Variants in ZNF98 observed in about 807,000 individuals in gnomAD.
ZNF98 encodes zinc finger protein 739.
A neutral mutation model predicts 12.8 loss-of-function variants in ZNF98; 8 were observed. The ratio of observed to expected loss-of-function variants is 0.63; its 90% confidence interval spans 0.37 to 1.13. The LOEUF is 1.13. Ranked by LOEUF, ZNF98 falls within the 50% of genes most tolerant of loss-of-function variation. ZNF98 has a pLI of 0.01. For missense variants in ZNF98, 379 were observed against 666.1 expected, an observed-to-expected ratio of 0.57 and a Z score of 4.74; for synonymous variants, 112 against 223.5, an observed-to-expected ratio of 0.50 and a Z score of 4.45.
At chr19:22,402,501 A>G (rs536177830) in intron 3 of ZNF98, 58 of 411,076 alleles carry the variant, frequency 1.4e-4, no homozygotes, top group Non-Finnish European at 2.3e-4. Flanking sequence ...ACAATGAAAA[A>G]GCAGTCAGAT....
intron 3 of ZNF98, among the ~76,000 whole-genome samples, chr19:22,397,212 T>TTTTGTGTGTGTGTGTGTG (rs368992859): frequency 6.9e-6 from 1 of 145,220 alleles, no homozygotes; most frequent in African/African-American, 2.6e-5. Context: ...GTGTGTGTTT[T>TTTTGTGTGTGTGTGTGTG]TGTGTGTGTG....
At chr19:22,411,103 C>G (rs148864706) in intron 1 of ZNF98, among the ~76,000 whole-genome samples, 3 of 151,988 alleles carry the variant, frequency 2.0e-5, no homozygotes, top group African/African-American at 7.2e-5. Context: ...AGTGCAGTGG[C>G]GAGATCTGCA....
intron 3 of ZNF98, among the ~76,000 whole-genome samples, chr19:22,399,572 A>G (rs575497800): frequency 6.6e-6 from 1 of 152,200 alleles, no homozygotes; most frequent in South Asian, 2.1e-4. Context: ...AAAGTGAGTG[A>G]AAATCCTGTC....
chr19:22,399,521 T>C (rs1335715994), intron 3 of ZNF98, among the ~76,000 whole-genome samples: 1 of 152,150 alleles, frequency 6.6e-6, no homozygotes, highest in African/African-American at 2.4e-5. Context: ...AAAACAAATA[T>C]TTGGGAACAA....
intron 1 of ZNF98, among the ~76,000 whole-genome samples, chr19:22,419,063 A>C (rs1969675946): frequency 1.3e-5 from 2 of 152,098 alleles, no homozygotes; most frequent in Non-Finnish European, 1.5e-5. Context: ...TTAATCTAGA[A>C]TCTAACTTTT....
chr19:22,416,240 G>A (rs1156280005), intron 1 of ZNF98, among the ~76,000 whole-genome samples: 1 of 151,912 alleles, frequency 6.6e-6, no homozygotes, highest in Non-Finnish European at 1.5e-5. Flanking sequence ...GGAGGCCAAG[G>A]CGGACAGATC....
chr19:22,402,551 C>T, intron 3 of ZNF98: 1 of 469,702 alleles, frequency 2.1e-6, no homozygotes, highest in Non-Finnish European at 3.7e-6. Context: ...GCTGTCTTGG[C>T]TGTCACTGTA....
intron 3 of ZNF98, among the ~76,000 whole-genome samples, chr19:22,395,156 G>A (rs189562684): frequency 0.016 from 2,188 of 134,076 alleles, 67 homozygotes; most frequent in African/African-American, 0.056. Context: ...TGGGTGACAG[G>A]AGCAAAACTC....
At chr19:22,406,210 G>A (rs1599387425) in intron 1 of ZNF98, among the ~76,000 whole-genome samples, 1 of 152,228 alleles carries the variant, frequency 6.6e-6, no homozygotes, top group South Asian at 2.1e-4. Flanking sequence ...CTATACAGGA[G>A]TGTTCCTACT....
intron 1 of ZNF98, among the ~76,000 whole-genome samples, chr19:22,406,712 G>A (rs1014017064): frequency 3.9e-5 from 6 of 151,948 alleles, no homozygotes; most frequent in Non-Finnish European, 8.8e-5. Flanking sequence ...AGTTACTTGG[G>A]AGGCCGAGGC....
At chr19:22,421,626 T>C (rs1316405363) in intron 1 of ZNF98, among the ~76,000 whole-genome samples, 1 of 152,152 alleles carries the variant, frequency 6.6e-6, no homozygotes, top group African/African-American at 2.4e-5. Context: ...ACTACGTAAA[T>C]GTACCTAACC....
intron 1 of ZNF98, among the ~76,000 whole-genome samples, chr19:22,414,735 A>G (rs918777621): frequency 7.9e-5 from 12 of 152,310 alleles, no homozygotes; most frequent in Admixed American, 1.3e-4. Context: ...AAAATCAACT[A>G]AAGATAAATT....
At chr19:22,422,106 G>C in intron 1 of ZNF98, 89 bp downstream of exon 1, 2 of 1,512,984 alleles carry the variant, frequency 1.3e-6, no homozygotes, top group Non-Finnish European at 1.8e-6. Context: ...AGCTGACAGC[G>C]GGGAGGCCTG....
Position 22,413,088 on chromosome 19 carries a change from AT to A in ZNF98, c.30+9106del, listed in dbSNP as rs201555549. ...AAAATAAAAATAAAAATAAAAAAAA[AT>A]AATAATAATGAGTTATCCATCACAA... On this transcript the variant is annotated intron_variant, in intron 1 of 3. Coordinates refer to ENST00000357774, the MANE Select transcript of ZNF98 (RefSeq NM_001098626.2). Among the ~76,000 whole-genome samples, 429 of 151,496 alleles carry A rather than the reference AT, an allele frequency of 2.8e-3. 3 individuals carry two copies. The highest frequency in any genetic ancestry group is 0.01 in the African/African-American group (416 of 41,120).
At chr19:22,420,545 G>A (rs544770515) in intron 1 of ZNF98, among the ~76,000 whole-genome samples, 1 of 152,182 alleles carries the variant, frequency 6.6e-6, no homozygotes, top group East Asian at 1.9e-4. Flanking sequence ...TGTCTCAAGG[G>A]GTTAGCTTTT....
intron 3 of ZNF98, among the ~76,000 whole-genome samples, chr19:22,399,491 G>C (rs1251105647): frequency 1.3e-5 from 2 of 152,102 alleles, no homozygotes; most frequent in Non-Finnish European, 2.9e-5. Context: ...TGCAGAATAT[G>C]GTCAGGGCCT....
chr19:22,417,893 A>C (rs1969662960), intron 1 of ZNF98, among the ~76,000 whole-genome samples: 1 of 152,078 alleles, frequency 6.6e-6, no homozygotes, highest in Admixed American at 6.6e-5. Flanking sequence ...TCTTTACTCT[A>C]AGTTTGGATC....
chr19:22,417,788 A>G (rs1352101640), intron 1 of ZNF98, among the ~76,000 whole-genome samples: 7 of 152,090 alleles, frequency 4.6e-5, no homozygotes, highest in Admixed American at 1.3e-4. Flanking sequence ...GTCCTGGGAG[A>G]GGTCTGGACA....
intron 3 of ZNF98, among the ~76,000 whole-genome samples, chr19:22,400,581 T>A (rs1426825327): frequency 6.6e-6 from 1 of 151,020 alleles, no homozygotes; most frequent in East Asian, 1.9e-4. Flanking sequence ...TACCTACCCC[T>A]CTCCACTACA....
Sources: gnomAD v4.1 joint callset for allele counts (sites outside exome capture counted in the v4.1 genomes callset) on GRCh38, gnomAD v4.1.1 for gene constraint, MANE v1.5 for transcripts, NCBI Gene and HGNC (gene_info 2026-07-23, HGNC 2026-07-21) for gene names.